TRPV4: variants seen among roughly 807,000 people sequenced by gnomAD.
TRPV4 encodes the protein transient receptor potential cation channel subfamily V member 4, also known as OSM9-like transient receptor potential channel 4.
TRPV4 carries 58 observed loss-of-function variants against 84.1 expected under a neutral mutation model. The ratio of observed to expected loss-of-function variants is 0.69; its 90% confidence interval spans 0.56 to 0.86. TRPV4 has a LOEUF of 0.86. Among genes scored for constraint, TRPV4 ranks in the 40% least tolerant of loss-of-function variants. The probability of loss-of-function intolerance (pLI) is 0.00; values close to 1 mark genes in which losing one functional copy is unlikely to be tolerated. For missense variants in TRPV4, 879 were observed against 1,181.1 expected (o/e 0.74, Z 3.75); for synonymous variants, 489 against 500.9 (o/e 0.98, Z 0.32).
chr12:109,802,600 C>G (rs1201126125), intron 4 of TRPV4, among the ~76,000 whole-genome samples: 2 of 133,796 alleles, frequency 1.5e-5, no homozygotes, highest in South Asian at 5.6e-4. Context: ...CCGCACCTGG[C>G]CTTCTTTTAT....
At position 109,788,608 on chromosome 12, in the gene TRPV4, C is replaced by T. The variant is rs756867557; in HGVS notation, c.2000G>A (p.Ser667Asn). 6.2e-7 allele frequency: 1 copy of T among 1,614,254 alleles called. No individual in the cohort carries two copies. The highest frequency in any genetic ancestry group is 8.5e-7 in the Non-Finnish European group (1 of 1,180,050). Residue 667 changes from serine to asparagine, a missense_variant, in exon 13 of 16, where the codon AGC becomes AAC. Coordinates refer to ENST00000261740, the MANE Select transcript of TRPV4 (RefSeq NM_021625.5). ...YPSCRDSETFSTFLLDLFKLT... is the reference protein window; with the variant it reads ...YPSCRDSETFNTFLLDLFKLT... ...CTTAAACAGGTCCAGGAGGAAGGTG[C>T]TGAAGGTCTCGCTGTCACGGCACGA...
Position 109,798,759 on chromosome 12 carries a change from C to G in TRPV4, c.1007G>C (p.Arg336Pro). ...HALVAIADNTRENTKFVTKMY... is the reference protein window; with the variant it reads ...HALVAIADNTPENTKFVTKMY... ...CTTGGTAACAAACTTGGTGTTCTCA[C>G]GGGTGTTGTCAGCAATGGCCACCAG... The change falls in exon 6 of 16, where the codon CGT becomes CCT. Residue 336 changes from arginine to proline, a missense_variant. Coordinates refer to ENST00000261740, the MANE Select transcript of TRPV4 (RefSeq NM_021625.5). The surrounding 1 kb of genome is among the most constrained non-coding windows in gnomAD (Gnocchi z 5.0). 1 of 1,614,172 alleles carries G rather than the reference C, an allele frequency of 6.2e-7. No individual in the cohort carries two copies. The highest frequency in any genetic ancestry group is 8.5e-7 in the Non-Finnish European group (1 of 1,180,038).
At chr12:109,817,234 C>T (rs1298024064) in intron 1 of TRPV4, among the ~76,000 whole-genome samples, 14 of 152,116 alleles carry the variant, frequency 9.2e-5, no homozygotes, top group Non-Finnish European at 7.4e-5. Flanking sequence ...CAGGCATTGG[C>T]GGGAGGTGGA....
At chr12:109,817,296 A>AG (rs1702306669) in intron 1 of TRPV4, among the ~76,000 whole-genome samples, 1 of 152,064 alleles carries the variant, frequency 6.6e-6, no homozygotes, top group African/African-American at 2.4e-5. Flanking sequence ...CCCTGAGGTC[A>AG]GGGGGAGACG....
At chr12:109,807,927 G>A (rs1042837197) in intron 3 of TRPV4, among the ~76,000 whole-genome samples, 1 of 152,220 alleles carries the variant, frequency 6.6e-6, no homozygotes, top group Non-Finnish European at 1.5e-5. Flanking sequence ...TGAGAGCCAG[G>A]AGTATGCTAT....
chr12:109,821,315 G>A (rs1364194932), intron 1 of TRPV4, among the ~76,000 whole-genome samples: 1 of 152,194 alleles, frequency 6.6e-6, no homozygotes, highest in Admixed American at 6.5e-5. Context: ...CGCAGTCCAG[G>A]AGGGAAGGCT....
At position 109,798,133 on chromosome 12, in the gene TRPV4, G is replaced by C. The variant is rs1890524158; in HGVS notation, c.1152+481C>G. ...AGGTGTTCCTGGCATCTGGTGGGTA[G>C]AGGCCCGGGATGCAGATCAATGTCT... On this transcript the variant is annotated intron_variant, in intron 6 of 15. Transcript: ENST00000261740. This position sits in a 1 kb window ranked among gnomAD's most constrained non-coding sequence, Gnocchi z 5.0. Among the ~76,000 whole-genome samples the C allele has an allele frequency of 6.6e-6, 1 of 152,206 alleles. No individual in the cohort carries two copies. Among genetic ancestry groups the C allele is most frequent in the Admixed American group, 6.5e-5 (1 of 15,278 alleles).
At chr12:109,800,842 C>CCT in intron 4 of TRPV4, 84 bp from the exon 5 acceptor site, 1 of 850,920 alleles carries the variant, frequency 1.2e-6, no homozygotes, top group Non-Finnish European at 1.6e-6. Flanking sequence ...GGGTGCAGGA[C>CCT]GTAGAAATTG....
rs757329292 is a variant in TRPV4 at position 109,786,878 on chromosome 12, A to G, written c.2209-41T>C. The G allele has an allele frequency of 2.9e-5, 47 of 1,612,060 alleles. No individual in the cohort carries two copies. The highest frequency in any genetic ancestry group is 1.7e-4 in the Middle Eastern group (1 of 5,988). On this transcript the variant is annotated intron_variant, in intron 13 of 15. Transcript: ENST00000261740. The surrounding 1 kb of genome is among the most constrained non-coding windows in gnomAD (Gnocchi z 4.5). ...GTCAGGAGGGACATCGGTGAGCCTC[A>G]CAGCCTGCGCCTGCCGCTCTGGTGG...
In TRPV4 at chr12:109,798,632, G is replaced by A. The variant is rs375468689; in HGVS notation, c.1134C>T (p.Ala378=). 6 of 1,612,378 alleles carry A rather than the reference G, an allele frequency of 3.7e-6. No homozygotes were observed. The highest frequency in any genetic ancestry group is 1.6e-4 in the Middle Eastern group (1 of 6,082). Reference sequence around the variant, plus strand: ...CACTCACCCCAATCTTGCCCGTCTTGGCAGCCATCATGAGGGGCGAGAGGC... The same window carrying A: ...CACTCACCCCAATCTTGCCCGTCTTAGCAGCCATCATGAGGGGCGAGAGGC... The part of the protein sequence containing the change: ...NDGLSPLMMA[A]KTGKIGIFQH... The change falls in exon 6 of 16, where the codon GCC becomes GCT. Residue 378 remains alanine, a synonymous_variant. Transcript: ENST00000261740. The surrounding 1 kb of genome is among the most constrained non-coding windows in gnomAD (Gnocchi z 5.0).
intron 12 of TRPV4, among the ~76,000 whole-genome samples, chr12:109,789,827 G>A (rs570949454): frequency 7.2e-5 from 11 of 152,308 alleles, no homozygotes; most frequent in Middle Eastern, 3.4e-3. Context: ...TGGACTCACC[G>A]GAAAAACTGT....
intron 3 of TRPV4, among the ~76,000 whole-genome samples, chr12:109,806,344 GC>G (rs1891122972): frequency 6.8e-6 from 1 of 147,134 alleles, no homozygotes; most frequent in Non-Finnish European, 1.5e-5. Flanking sequence ...ACAGGTGTGT[GC>G]CACTAAGCCT....
At chr12:109,808,195 C>T (rs1891260679) in intron 3 of TRPV4, 101 bp downstream of exon 3, 3 of 1,389,350 alleles carry the variant, frequency 2.2e-6, no homozygotes, top group Non-Finnish European at 3.0e-6. Flanking sequence ...ATGCAGTCCA[C>T]CGACCCAAAG....
chr12:109,795,327 C>A (rs1021306779), intron 7 of TRPV4, among the ~76,000 whole-genome samples: 1 of 152,200 alleles, frequency 6.6e-6, no homozygotes, highest in Non-Finnish European at 1.5e-5. Flanking sequence ...AGATGCTAAA[C>A]CTCCTGCCAC....
intron 12 of TRPV4, among the ~76,000 whole-genome samples, chr12:109,791,176 A>G (rs1200391568): frequency 6.6e-6 from 1 of 152,182 alleles, no homozygotes; most frequent in Non-Finnish European, 1.5e-5. Flanking sequence ...TGGGGTCAGG[A>G]GTTCGAGACC....
chr12:109,796,597 G>A lies in TRPV4; in HGVS notation c.1260C>T (p.Asp420=). 1 of 1,614,202 alleles carries A rather than the reference G, an allele frequency of 6.2e-7. No individual in the cohort carries two copies. Among genetic ancestry groups the A allele is most frequent in the South Asian group, 1.1e-5 (1 of 91,086 alleles). The change falls in exon 7 of 16, where the codon GAC becomes GAT. Residue 420 remains aspartate (D), a synonymous_variant. Coordinates refer to ENST00000261740, the MANE Select transcript of TRPV4 (RefSeq NM_021625.5). The surrounding 1 kb of genome is among the most constrained non-coding windows in gnomAD (Gnocchi z 4.2). Reference sequence around the variant, plus strand: ...CCCCACACGTGTCCAGGGAGGAGAGGTCATAAAGCGAGGAATACACTGGCC... The same window carrying A: ...CCCCACACGTGTCCAGGGAGGAGAGATCATAAAGCGAGGAATACACTGGCC... ...AYGPVYSSLY[D]LSSLDTCGEE...
chr12:109,800,682 A>G lies in TRPV4; in HGVS notation c.789T>C (p.Asp263=), dbSNP rs3742034. 0.099 allele frequency: 160,057 copies of G among 1,614,032 alleles called. 9,275 individuals are homozygous for G. Among genetic ancestry groups the G allele is most frequent in the African/African-American group, 0.22 (16,761 of 75,032 alleles). The change falls in exon 5 of 16, where the codon GAT becomes GAC. Residue 263 remains aspartate (D), a synonymous_variant. Transcript: ENST00000261740. The part of the protein sequence containing the change: ...YVELLVAQGA[D]VHAQARGRFF... Reference sequence around the variant, plus strand: ...AGCGCCCACGGGCCTGGGCGTGGACATCAGCTCCCTGGGCCACGAGAAGTT... The same window carrying G: ...AGCGCCCACGGGCCTGGGCGTGGACGTCAGCTCCCTGGGCCACGAGAAGTT...
chr12:109,808,460 G>C lies in TRPV4; in HGVS notation c.395C>G (p.Pro132Arg). 1 of 1,612,340 alleles carries C rather than the reference G, an allele frequency of 6.2e-7. No homozygotes were observed. Among genetic ancestry groups the C allele is most frequent in the Non-Finnish European group, 8.5e-7 (1 of 1,178,728 alleles). Residue 132 changes from proline (P) to arginine (R), a missense_variant, in exon 3 of 16, where the codon CCG becomes CGG. Physicochemically the swap from Pro to Arg is moderately radical, Grantham distance 103. This residue lies in a region of TRPV4 where 521 missense variants were observed against 686.6 expected (regional missense o/e 0.76). Coordinates refer to ENST00000261740, the MANE Select transcript of TRPV4 (RefSeq NM_021625.5). ...RWRKKIIEKQ[P>R]QSPKAPAPQP... ...AGGGGCAGGGGCTTTGGGGCTCTGCGGCTGCTTCCTGGAGGAGGTAGGGAG... is the reference window on the plus strand; with the variant it reads ...AGGGGCAGGGGCTTTGGGGCTCTGCCGCTGCTTCCTGGAGGAGGTAGGGAG...
intron 12 of TRPV4, among the ~76,000 whole-genome samples, chr12:109,789,337 G>A (rs562489037): frequency 1.3e-5 from 2 of 152,288 alleles, no homozygotes; most frequent in Middle Eastern, 3.4e-3. Flanking sequence ...GGTCTCAAAT[G>A]TCAATAGTGT....
Sources: allele counts gnomAD v4.1 joint callset (sites outside exome capture counted in the v4.1 genomes callset), GRCh38; gene constraint gnomAD v4.1.1; regional missense constraint gnomAD v4.1.1; non-coding constraint Gnocchi (gnomAD v3.1); transcripts MANE v1.5; gene names NCBI Gene and HGNC (gene_info 2026-07-23, HGNC 2026-07-21).